EPHA6: variants seen among roughly 807,000 people sequenced by gnomAD.
EPHA6 encodes the protein EPH receptor A6, also known as ephrin type-A receptor 6.
Under a neutral mutation model 112.0 loss-of-function variants are expected in EPHA6, and 50 were observed. The observed-to-expected ratio is 0.45, with a 90% CI of 0.36 to 0.56. EPHA6 has a LOEUF of 0.56. EPHA6 is among the 20% of genes least tolerant of loss of function. The pLI is 0.00. For synonymous variants in EPHA6, 529 were observed against 490.7 expected (o/e 1.08, Z -1.03); for missense variants, 1,280 against 1,417.4 (o/e 0.90, Z 1.56).
At chr3:97,025,200 T>C (rs776124225) in intron 3 of EPHA6, among the ~76,000 whole-genome samples, 1 of 152,162 alleles carries the variant, frequency 6.6e-6, no homozygotes, top group Non-Finnish European at 1.5e-5. Flanking sequence ...GTAAAGCACC[T>C]CTCACTTCGT....
chr3:97,351,338 C>T (rs1327028144), intron 5 of EPHA6, among the ~76,000 whole-genome samples: 1 of 152,186 alleles, frequency 6.6e-6, no homozygotes, highest in Non-Finnish European at 1.5e-5. Flanking sequence ...AGTGACTAAA[C>T]ATGTCATCAG....
intron 14 of EPHA6, among the ~76,000 whole-genome samples, chr3:97,706,257 G>GA (rs893341594): frequency 1.3e-5 from 2 of 150,970 alleles, no homozygotes; most frequent in African/African-American, 4.9e-5. Flanking sequence ...TTTATTTTAG[G>GA]AAAAAAAACA....
intron 5 of EPHA6, among the ~76,000 whole-genome samples, chr3:97,388,249 C>T (rs547131125): frequency 7.2e-5 from 11 of 152,228 alleles, no homozygotes; most frequent in East Asian, 1.9e-4. Flanking sequence ...AAACCATCCA[C>T]GATTATGCCA....
intron 3 of EPHA6, among the ~76,000 whole-genome samples, chr3:97,109,878 C>T (rs2047673353): frequency 6.6e-6 from 1 of 152,016 alleles, no homozygotes; most frequent in Admixed American, 6.6e-5. Flanking sequence ...CAGAAGTGAT[C>T]ATATGGTAAC....
chr3:97,294,362 T>A (rs1486572342), intron 5 of EPHA6, among the ~76,000 whole-genome samples: 1 of 152,216 alleles, frequency 6.6e-6, no homozygotes, highest in African/African-American at 2.4e-5. Flanking sequence ...TTCTATTTGT[T>A]TATAATTAAG....
At chr3:97,281,798 G>T (rs1459478453) in intron 5 of EPHA6, among the ~76,000 whole-genome samples, 1 of 152,130 alleles carries the variant, frequency 6.6e-6, no homozygotes, top group Non-Finnish European at 1.5e-5. Context: ...CATTTCACAG[G>T]TGAATGAGTT....
Position 96,835,590 on chromosome 3 carries a change from A to G in EPHA6, c.385+20582A>G, listed in dbSNP as rs376737273. On this transcript the variant is annotated intron_variant, in intron 1 of 17. Coordinates refer to ENST00000389672, the MANE Select transcript of EPHA6 (RefSeq NM_001080448.3). ...AAATAATGAAGGAAAATACACATGC[A>G]TCGTTGAGGATAAGAAGAGCCTTGA... Among the ~76,000 whole-genome samples, 6 of 152,034 alleles carry G rather than the reference A, an allele frequency of 3.9e-5. No homozygotes were observed. The East Asian group carries it at 1.2e-3, about 29-fold the overall frequency.
chr3:96,856,009 G>A (rs1241436945), intron 1 of EPHA6, among the ~76,000 whole-genome samples: 1 of 152,056 alleles, frequency 6.6e-6, no homozygotes, highest in Admixed American at 6.6e-5. Flanking sequence ...GGCTAAGGTG[G>A]CTCAGGATCA....
chr3:97,524,439 A>C (rs2092590136), intron 10 of EPHA6, among the ~76,000 whole-genome samples: 1 of 151,994 alleles, frequency 6.6e-6, no homozygotes, highest in African/African-American at 2.4e-5. Context: ...GTGTATGCTA[A>C]CCCATTGTTT....
intron 1 of EPHA6, among the ~76,000 whole-genome samples, chr3:96,821,521 A>T (rs1576051387): frequency 6.6e-6 from 1 of 151,990 alleles, no homozygotes. Flanking sequence ...GCAGATATTT[A>T]TTGCCTGCTA....
intron 3 of EPHA6, among the ~76,000 whole-genome samples, chr3:97,081,560 C>T (rs1272616480): frequency 6.6e-6 from 1 of 151,774 alleles, no homozygotes. Flanking sequence ...AACTGACACA[C>T]TTATACAGTT....
chr3:97,341,950 C>CA (rs1198718032), intron 5 of EPHA6, among the ~76,000 whole-genome samples: 1 of 151,578 alleles, frequency 6.6e-6, no homozygotes, highest in Non-Finnish European at 1.5e-5. Context: ...CATTGTAGAA[C>CA]AAAAAAATGT....
At chr3:97,107,888 T>C (rs1289206721) in intron 3 of EPHA6, among the ~76,000 whole-genome samples, 1 of 152,198 alleles carries the variant, frequency 6.6e-6, no homozygotes, top group East Asian at 1.9e-4. Flanking sequence ...CCTAAGGATC[T>C]CATTGTAGTT....
intron 6 of EPHA6, among the ~76,000 whole-genome samples, chr3:97,419,390 G>A (rs1230151231): frequency 2.6e-5 from 4 of 152,070 alleles, no homozygotes; most frequent in Admixed American, 2.0e-4. Context: ...TTGGGAGGCC[G>A]AGGTGGGTGG....
chr3:96,961,211 C>T (rs2041938411), intron 2 of EPHA6, among the ~76,000 whole-genome samples: 1 of 152,218 alleles, frequency 6.6e-6, no homozygotes, highest in South Asian at 2.1e-4. Context: ...AGTGATTGAG[C>T]CACTTTTGTA....
Position 96,872,742 on chromosome 3 carries a change from T to C in EPHA6, c.450+5853T>C, listed in dbSNP as rs552872476. Among the ~76,000 whole-genome samples, 11 of 152,220 alleles carry C rather than the reference T, an allele frequency of 7.2e-5. No homozygotes were observed. In the East Asian group the frequency reaches 1.9e-3, roughly 27 times the overall value. ...CTATTCTTAAGGTGTTTGAGTCTTC[T>C]GGATTCTTTCAAGGTTCTTTATATT... On this transcript the variant is annotated intron_variant, in intron 2 of 17. Transcript: ENST00000389672.
chr3:97,093,317 G>A (rs2047132457), intron 3 of EPHA6, among the ~76,000 whole-genome samples: 1 of 152,138 alleles, frequency 6.6e-6, no homozygotes, highest in Admixed American at 6.5e-5. Flanking sequence ...GGGAGGCTGA[G>A]GTGGGTGGAT....
chr3:97,541,980 C>G (rs1230556757), intron 11 of EPHA6, among the ~76,000 whole-genome samples: 2 of 151,746 alleles, frequency 1.3e-5, no homozygotes, highest in African/African-American at 4.8e-5. Flanking sequence ...GAGAGCCAAT[C>G]TGAGTGGCAA....
At chr3:96,888,551 G>C (rs573853962) in intron 2 of EPHA6, among the ~76,000 whole-genome samples, 6 of 152,222 alleles carry the variant, frequency 3.9e-5, no homozygotes, top group Admixed American at 3.9e-4. Flanking sequence ...GCCAAGGCTC[G>C]GTGCTTGCAT....
Sources: allele counts gnomAD v4.1 joint callset (sites outside exome capture counted in the v4.1 genomes callset), GRCh38; gene constraint gnomAD v4.1.1; transcripts MANE v1.5; gene names NCBI Gene and HGNC (gene_info 2026-07-23, HGNC 2026-07-21).